The following STARD9 variants were observed in gnomAD, a reference collection of about 807,000 sequenced individuals.
STARD9 encodes StAR related lipid transfer domain containing 9, also known as stAR-related lipid transfer protein 9.
STARD9 carries 346 observed loss-of-function variants against 399.8 expected under a neutral mutation model. The ratio of observed to expected loss-of-function variants is 0.87; its 90% CI spans 0.79 to 0.95. The LOEUF (loss-of-function observed/expected upper bound fraction) is 0.95. STARD9 is among the 40% of genes least tolerant of loss of function. The probability of loss-of-function intolerance (pLI) is 0.00; values close to 1 mark genes in which losing one functional copy is unlikely to be tolerated. For missense variants in STARD9, 5,832 were observed against 5,667.5 expected, an observed-to-expected ratio of 1.03 and a Z score of -0.93; for synonymous variants, 2,203 against 2,143.5, an observed-to-expected ratio of 1.03 and a Z score of -0.77.
intron 26 of STARD9, among the ~76,000 whole-genome samples, chr15:42,700,329 T>C (rs774794150): frequency 1.6e-4 from 25 of 152,264 alleles, no homozygotes; most frequent in Non-Finnish European, 2.6e-4. Context: ...ATGGTAGTTC[T>C]GCTTTAGTTT....
intron 3 of STARD9, among the ~76,000 whole-genome samples, chr15:42,598,000 A>ATGTGTGTGTGTGTGTG (rs572054615): frequency 6.1e-5 from 7 of 115,110 alleles, no homozygotes; most frequent in Admixed American, 1.9e-4. Flanking sequence ...GTATATATAT[A>ATGTGTGTGTGTGTGTG]TGTGTGTGTG....
chr15:42,670,991 T>G (rs1455379383), intron 16 of STARD9: 1 of 152,080 alleles, frequency 6.6e-6, no homozygotes, highest in African/African-American at 2.4e-5. Flanking sequence ...ATGGATTGGA[T>G]GTAGAGTGAA....
chr15:42,623,874 A>G (rs2059142181), intron 3 of STARD9, among the ~76,000 whole-genome samples: 1 of 152,244 alleles, frequency 6.6e-6, no homozygotes, highest in South Asian at 2.1e-4. Context: ...TGTTGCCTGG[A>G]AAAATCTGCA....
intron 7 of STARD9, 27 bp from the exon 8 acceptor site, chr15:42,650,989 C>A (rs1355544867): frequency 8.2e-6 from 12 of 1,457,288 alleles, no homozygotes; most frequent in Non-Finnish European, 1.1e-5. Flanking sequence ...CATTTAATTT[C>A]TTTTTTCCGT....
Position 42,702,498 on chromosome 15 carries a change from G to A in STARD9, c.13284+6618G>A, listed in dbSNP as rs892335033. On this transcript the variant is annotated intron_variant, in intron 26 of 32. Coordinates refer to ENST00000290607, the MANE Select transcript of STARD9 (RefSeq NM_020759.3). Reference sequence around the variant, plus strand: ...ATTACAGGCATGAGCCACCGCGCCCGGCCTGTTGTTATTATTTTTAATAGT... The same window carrying A: ...ATTACAGGCATGAGCCACCGCGCCCAGCCTGTTGTTATTATTTTTAATAGT... Among the ~76,000 whole-genome samples, 19 of 152,060 alleles carry A rather than the reference G, an allele frequency of 1.2e-4. 1 individual carries two copies. Among genetic ancestry groups the A allele is most frequent in the Non-Finnish European group, 2.1e-4 (14 of 68,008 alleles).
chr15:42,644,078 A>G (rs1398712891), intron 7 of STARD9, among the ~76,000 whole-genome samples: 1 of 152,270 alleles, frequency 6.6e-6, no homozygotes, highest in East Asian at 1.9e-4. Context: ...GACCACCACA[A>G]TAAAGTATCA....
chr15:42,694,536 A>AG lies in STARD9; in HGVS notation c.12775dup (p.Ala4259GlyfsTer3). 1.2e-5 allele frequency: 18 copies of AG among 1,537,180 alleles called. No homozygotes were observed. Among genetic ancestry groups the AG allele is most frequent in the East Asian group, 4.9e-5 (2 of 40,918 alleles). On this transcript the variant is annotated frameshift_variant, in exon 24 of 33. Transcript: ENST00000290607. LOFTEE classifies it high-confidence loss of function. ...ATCGTGTTTTGCCTCAGGCAAAAAA[A>AG]GGCCATTGAGACCCTCAGGAGAGAG...
At chr15:42,582,661 C>A (rs115827874) in intron 1 of STARD9, among the ~76,000 whole-genome samples, 1 of 152,052 alleles carries the variant, frequency 6.6e-6, no homozygotes, top group African/African-American at 2.4e-5. Flanking sequence ...GAGATGATGC[C>A]GTGTTATATG....
At chr15:42,703,647 A>G (rs530642634) in intron 26 of STARD9, among the ~76,000 whole-genome samples, 1 of 151,484 alleles carries the variant, frequency 6.6e-6, no homozygotes, top group South Asian at 2.1e-4. Context: ...TACTAGGATT[A>G]CAGGCGTGGG....
chr15:42,709,458 G>A (rs1345186885), intron 26 of STARD9, among the ~76,000 whole-genome samples: 6 of 152,178 alleles, frequency 3.9e-5, no homozygotes, highest in African/African-American at 7.2e-5. Context: ...AGGCAGAGGC[G>A]GGCGGATCAC....
intron 7 of STARD9, among the ~76,000 whole-genome samples, chr15:42,645,407 C>T (rs933084182): frequency 6.6e-6 from 1 of 152,116 alleles, no homozygotes; most frequent in Non-Finnish European, 1.5e-5. Context: ...GGCACACTGT[C>T]AATGAGCAGT....
chr15:42,711,264 C>A lies in STARD9; in HGVS notation c.13285-5413C>A, dbSNP rs189968848. Among the ~76,000 whole-genome samples the A allele has an allele frequency of 2.6e-5, 4 of 152,256 alleles. No homozygotes were observed. The East Asian group carries it at 7.7e-4, about 29-fold the overall frequency. On this transcript the variant is annotated intron_variant, in intron 26 of 32. Transcript: ENST00000290607. ...AAGCAATTCTCCTGCCTCAGCCTCC[C>A]AGGTAGCTGGGATTACAGGCATCCG...
chr15:42,602,276 A>G (rs1409589498), intron 3 of STARD9, among the ~76,000 whole-genome samples: 2 of 152,198 alleles, frequency 1.3e-5, no homozygotes, highest in Admixed American at 6.5e-5. Context: ...AAAGCCAGAA[A>G]TTGATAATTT....
At position 42,690,490 on chromosome 15, in the gene STARD9, C is replaced by T. The variant is rs1420107550; in HGVS notation, c.8912C>T (p.Ser2971Phe). 2.5e-5 allele frequency: 39 copies of T among 1,537,094 alleles called. No homozygotes were observed. In the East Asian group the frequency reaches 9.3e-4, roughly 37 times the overall value. The change falls in exon 23 of 33, where the codon TCC (serine) becomes TTC (phenylalanine). Residue 2971 changes from serine (S) to phenylalanine (F), a missense_variant. Around this residue, in one of 2 missense-constraint regions of STARD9, gnomAD observed 5,828 missense variants for 5,651.1 expected, o/e 1.03. Transcript: ENST00000290607. ...PVATHAYSSH[S>F]STLLCFRDGD... ...GCTACTCATGCTTATTCCTCCCATT[C>T]CTCTACTTTACTGTGTTTTAGAGAT... is the stretch of plus-strand genomic sequence containing the variant.
rs529556618 is a variant in STARD9 at position 42,598,749 on chromosome 15, C to T, written c.234+13112C>T. On this transcript the variant is annotated intron_variant, in intron 3 of 32. Transcript: ENST00000290607. ...TCTCTTCAAGCTATATTGAAATATA[C>T]AATAAATTATCATTAGTTGTAATTT... Among the ~76,000 whole-genome samples, 22 of 152,220 alleles carry T rather than the reference C, an allele frequency of 1.4e-4. No individual in the cohort carries two copies. In the South Asian group the frequency reaches 3.7e-3, roughly 26 times the overall value.
chr15:42,620,497 A>C lies in STARD9; in HGVS notation c.235-14359A>C, dbSNP rs1031774673. 1.8e-4 allele frequency among the ~76,000 whole-genome samples: 28 copies of C among 152,168 alleles called. No homozygotes were observed. The East Asian group carries it at 5.4e-3, about 29-fold the overall frequency. On this transcript the variant is annotated intron_variant, in intron 3 of 32. Coordinates refer to ENST00000290607, the MANE Select transcript of STARD9 (RefSeq NM_020759.3). ...CCTGTCTCAAAAAAAAAAAATTTTC[A>C]GGAAATTAAAGTGTTAATTGCTGCC...
In STARD9 at chr15:42,685,847, G is replaced by A. The variant is rs764314062; in HGVS notation, c.4269G>A (p.Leu1423=). 1 of 1,537,166 alleles carries A rather than the reference G, an allele frequency of 6.5e-7. No homozygotes were observed. Among genetic ancestry groups the A allele is most frequent in the South Asian group, 1.2e-5 (1 of 84,070 alleles). The change falls in exon 23 of 33, where the codon CTG becomes CTA. Residue 1423 remains leucine, a synonymous_variant. Coordinates refer to ENST00000290607, the MANE Select transcript of STARD9 (RefSeq NM_020759.3). ...HTASAADTSR[L]SLWGIQRLIQ... Reference sequence around the variant, plus strand: ...CCTCTGCTGCTGATACGTCTAGGCTGTCTCTCTGGGGAATTCAAAGGCTTA... The same window carrying A: ...CCTCTGCTGCTGATACGTCTAGGCTATCTCTCTGGGGAATTCAAAGGCTTA...
chr15:42,589,886 T>G (rs1483571284), intron 3 of STARD9, among the ~76,000 whole-genome samples: 1 of 151,396 alleles, frequency 6.6e-6, no homozygotes, highest in African/African-American at 2.4e-5. Context: ...ATTACAGGCG[T>G]GAGCCACCAC....
At chr15:42,578,159 G>A (rs542647396) in intron 1 of STARD9, among the ~76,000 whole-genome samples, 1 of 151,468 alleles carries the variant, frequency 6.6e-6, no homozygotes, top group East Asian at 1.9e-4. Context: ...CACCCAGGCT[G>A]GAGTGCAATG....
Sources: allele counts gnomAD v4.1 joint callset (sites outside exome capture counted in the v4.1 genomes callset), GRCh38; gene constraint gnomAD v4.1.1; regional missense constraint gnomAD v4.1.1; transcripts MANE v1.5; gene names NCBI Gene and HGNC (gene_info 2026-07-23, HGNC 2026-07-21).